KAZN: variants seen among roughly 807,000 people sequenced by gnomAD.
The protein encoded by KAZN is kazrin.
A neutral mutation model predicts 87.4 loss-of-function variants in KAZN; 40 were observed. The ratio of observed to expected loss-of-function variants is 0.46; its 90% CI spans 0.36 to 0.60. The LOEUF is 0.60. Among genes scored for constraint, KAZN ranks in the 20% least tolerant of loss-of-function variants. KAZN has a pLI of 0.00. For synonymous variants in KAZN, 466 were observed against 458.3 expected (o/e 1.02, Z -0.22); for missense variants, 898 against 1,073.9 (o/e 0.84, Z 2.29).
chr1:14,489,246 G>A (rs1330890436), intron 2 of KAZN, among the ~76,000 whole-genome samples: 2 of 150,846 alleles, frequency 1.3e-5, no homozygotes, highest in South Asian at 2.1e-4. Flanking sequence ...AGATAATCAC[G>A]GGTAACATTT....
intron 2 of KAZN, among the ~76,000 whole-genome samples, chr1:14,248,543 C>T (rs1557592131): frequency 6.6e-6 from 1 of 152,196 alleles, no homozygotes; most frequent in Admixed American, 6.5e-5. Context: ...CTGGGAAATG[C>T]TTCTCATGGA....
chr1:14,333,625 A>G (rs912197401), intron 2 of KAZN, among the ~76,000 whole-genome samples: 6 of 152,210 alleles, frequency 3.9e-5, no homozygotes, highest in African/African-American at 1.2e-4. Flanking sequence ...ACCAAAATCA[A>G]TGAACATAAT....
intron 1 of KAZN, among the ~76,000 whole-genome samples, chr1:13,968,502 T>G (rs1642023182): frequency 6.6e-6 from 1 of 152,162 alleles, no homozygotes. Context: ...CTCTTACTCC[T>G]TCCCTGCAAA....
intron 2 of KAZN, among the ~76,000 whole-genome samples, chr1:14,194,334 T>C (rs767662490): frequency 1.3e-5 from 2 of 152,186 alleles, no homozygotes; most frequent in Admixed American, 6.5e-5. Context: ...TGGCTCAGTG[T>C]GGCAAACCTG....
At chr1:14,704,839 C>T (rs1032792690) in intron 1 of KAZN, among the ~76,000 whole-genome samples, 19 of 152,178 alleles carry the variant, frequency 1.2e-4, no homozygotes, top group African/African-American at 4.1e-4. Flanking sequence ...TGGCTCCTTC[C>T]CTGTGTTGTG....
At chr1:15,035,110 G>C (rs1044487024) in intron 3 of KAZN, among the ~76,000 whole-genome samples, 2 of 151,876 alleles carry the variant, frequency 1.3e-5, no homozygotes, top group African/African-American at 2.4e-5. Flanking sequence ...TCAGGAGTCC[G>C]GGGGGTTCAG....
At chr1:14,080,023 ACTTT>A (rs1643610959) in intron 1 of KAZN, among the ~76,000 whole-genome samples, 1 of 149,820 alleles carries the variant, frequency 6.7e-6, no homozygotes. Flanking sequence ...CAAAGGCCCC[ACTTT>A]CTAATATCAC....
intron 1 of KAZN, among the ~76,000 whole-genome samples, chr1:14,073,359 C>A (rs1643318472): frequency 6.6e-6 from 1 of 152,164 alleles, no homozygotes. Context: ...TGTTCAGATT[C>A]TTTTCTATTT....
In KAZN at chr1:15,093,553, G is replaced by A. The variant is rs1640653691; in HGVS notation, c.1223-627G>A. On this transcript the variant is annotated intron_variant, in intron 8 of 14. Coordinates refer to ENST00000376030, the MANE Select transcript of KAZN (RefSeq NM_201628.3). ...TGCCTTTGTCTGGCCCAGTGAATCT[G>A]CATTTTTACATAAGGTAACATAGAC... Among the ~76,000 whole-genome samples, 3 of 152,112 alleles carry A rather than the reference G, an allele frequency of 2.0e-5. No homozygotes were observed. In the South Asian group the frequency reaches 6.2e-4, roughly 32 times the overall value.
At chr1:14,348,215 T>A (rs1196095693) in intron 2 of KAZN, among the ~76,000 whole-genome samples, 1 of 151,966 alleles carries the variant, frequency 6.6e-6, no homozygotes, top group Non-Finnish European at 1.5e-5. Context: ...CTTGCCCCAG[T>A]TAATTTTTGT....
chr1:13,950,821 A>G (rs1423933865), intron 1 of KAZN, among the ~76,000 whole-genome samples: 1 of 152,290 alleles, frequency 6.6e-6, no homozygotes, highest in Non-Finnish European at 1.5e-5. Context: ...GGGTTCAAGG[A>G]TGCAGTTCCC....
chr1:14,813,922 G>A (rs1646489690), intron 1 of KAZN, among the ~76,000 whole-genome samples: 1 of 152,176 alleles, frequency 6.6e-6, no homozygotes, highest in Admixed American at 6.5e-5. Context: ...ATACAAGTAG[G>A]CAGCACGTGA....
intron 1 of KAZN, among the ~76,000 whole-genome samples, chr1:14,686,585 A>G (rs904404991): frequency 2.6e-5 from 4 of 152,254 alleles, no homozygotes; most frequent in African/African-American, 9.6e-5. Flanking sequence ...CCTGAAAATC[A>G]TAGCAAAATC....
In KAZN at chr1:15,112,490, G is replaced by C; in HGVS notation, c.2112G>C (p.Thr704=). 1 of 1,605,616 alleles carries C rather than the reference G, an allele frequency of 6.2e-7. No homozygotes were observed. The highest frequency in any genetic ancestry group is 1.7e-5 in the Admixed American group (1 of 58,938). ...GTPPGRASSV[T]RAGKEENSSG... ...CCCCTGGCAGGGCCTCCAGCGTCAC[G>C]CGGGCAGGAAAGGAGGAGAACAGCA... Residue 704 remains threonine (T), a synonymous_variant, in exon 14 of 15, where the codon ACG becomes ACC. Transcript: ENST00000376030.
In KAZN at chr1:14,185,121, G is replaced by A. The variant is rs375589528; in HGVS notation, c.249+4529G>A. Among the ~76,000 whole-genome samples, 81 of 152,242 alleles carry A rather than the reference G, an allele frequency of 5.3e-4. No individual in the cohort carries two copies. In the South Asian group the frequency reaches 0.011, roughly 21 times the overall value. On this transcript the variant is annotated intron_variant, in intron 2 of 16. Coordinates refer to the KAZN transcript ENST00000636203. ...TCAGAAGGATCCTGGGCTTAAGAAG[G>A]TCACAGATGCTGGCTGCGGCTATGG...
At chr1:14,694,357 C>A (rs556662615) in intron 1 of KAZN, among the ~76,000 whole-genome samples, 3 of 152,330 alleles carry the variant, frequency 2.0e-5, no homozygotes, top group East Asian at 3.8e-4. Flanking sequence ...CTAGAAAATA[C>A]TTTTTTAAGT....
intron 1 of KAZN, among the ~76,000 whole-genome samples, chr1:13,919,267 A>G (rs193230517): frequency 1.6e-4 from 25 of 152,280 alleles, no homozygotes; most frequent in Admixed American, 1.4e-3. Context: ...AATATAGTGT[A>G]GTTTTGCCTG....
rs147636409 is a variant in KAZN, at chr1:13,914,418, G to A, written c.91+20662G>A. Among the ~76,000 whole-genome samples, 9 of 152,332 alleles carry A rather than the reference G, an allele frequency of 5.9e-5. 1 individual carries two copies. In the South Asian group the frequency reaches 1.0e-3, roughly 18 times the overall value. ...ACAGAACAGTACCTGGCTCAGACGC[G>A]AGCTAATAGAGCTACTGATATTTGC... On this transcript the variant is annotated intron_variant, in intron 1 of 16. Transcript: ENST00000636203.
chr1:14,122,946 T>C (rs1264514612), intron 1 of KAZN, among the ~76,000 whole-genome samples: 1 of 152,202 alleles, frequency 6.6e-6, no homozygotes, highest in East Asian at 1.9e-4. Flanking sequence ...TTTTCCCTAC[T>C]TTGTAGGGAG....
Sources: allele counts gnomAD v4.1 joint callset (sites outside exome capture counted in the v4.1 genomes callset), GRCh38; gene constraint gnomAD v4.1.1; transcripts MANE v1.5; gene names NCBI Gene and HGNC (gene_info 2026-07-23, HGNC 2026-07-21).